Variants in CYBRD1 observed in about 807,000 individuals in gnomAD.
CYBRD1 encodes plasma membrane ascorbate-dependent reductase CYBRD1.
A neutral mutation model predicts 21.9 loss-of-function variants in CYBRD1; 14 were observed. The observed-to-expected ratio is 0.64, with a 90% CI of 0.42 to 1.00. CYBRD1 has a LOEUF of 1.00. CYBRD1 is among the 50% of genes least tolerant of loss of function. CYBRD1 has a pLI of 0.00. For synonymous variants in CYBRD1, 146 were observed against 136.5 expected (o/e 1.07, Z -0.48); for missense variants, 328 against 352.5 (o/e 0.93, Z 0.56).
At position 171,541,593 on chromosome 2, in the gene CYBRD1, G is replaced by A. The variant is rs148167713; in HGVS notation, c.202G>A (p.Val68Ile). The change falls in exon 2 of 4, where the codon GTC becomes ATC. Residue 68 changes from valine to isoleucine, a missense_variant. Coordinates refer to ENST00000321348, the MANE Select transcript of CYBRD1 (RefSeq NM_024843.4). ...FVFIQGIAII[V>I]YRLPWTWKCS... ...CTTTCGTCTTTCCCTAGCCATCATC[G>A]TCTACAGACTGCCGTGGACCTGGAA... 7.1e-5 allele frequency: 115 copies of A among 1,613,748 alleles called. No homozygotes were observed. The Admixed American group carries it at 1.1e-3, about 16-fold the overall frequency.
intron 1 of CYBRD1, among the ~76,000 whole-genome samples, chr2:171,539,303 A>G (rs1273152430): frequency 6.6e-6 from 1 of 151,918 alleles, no homozygotes; most frequent in African/African-American, 2.4e-5. Context: ...GGGCAACATG[A>G]TGGAATCCCA....
chr2:171,542,876 G>T (rs1265336291), intron 2 of CYBRD1, among the ~76,000 whole-genome samples: 1 of 151,966 alleles, frequency 6.6e-6, no homozygotes, highest in Non-Finnish European at 1.5e-5. Flanking sequence ...GCCAGACCCT[G>T]ATCTCAAAAA....
At chr2:171,522,234 A>T (rs967723665), upstream of CYBRD1, 12 of 1,549,490 alleles carry the variant, frequency 7.7e-6, no homozygotes, top group Non-Finnish European at 1.0e-5. This position sits in a 1 kb window ranked among gnomAD's most constrained non-coding sequence, Gnocchi z 4.3. Flanking sequence ...TCTTTGAGCA[A>T]CTAACTAGGT....
At chr2:171,527,090 G>T (rs1697396394) in intron 1 of CYBRD1, among the ~76,000 whole-genome samples, 1 of 152,110 alleles carries the variant, frequency 6.6e-6, no homozygotes, top group Non-Finnish European at 1.5e-5. Flanking sequence ...CAGCAAGTAA[G>T]ATAACGGAGA....
chr2:171,522,759 G>T lies in CYBRD1; in HGVS notation c.193+21G>T. 1 of 1,613,028 alleles carries T rather than the reference G, an allele frequency of 6.2e-7. No individual in the cohort carries two copies. The highest frequency in any genetic ancestry group is 8.5e-7 in the Non-Finnish European group (1 of 1,179,710). On this transcript the variant is annotated intron_variant, in intron 1 of 3. Coordinates refer to ENST00000321348, the MANE Select transcript of CYBRD1 (RefSeq NM_024843.4). This position sits in a 1 kb window ranked among gnomAD's most constrained non-coding sequence, Gnocchi z 4.3. Reference sequence around the variant, plus strand: ...CATCGGTACTGGCACCTCCTGGGGGGGTGCGGGGAGGAAAGCGGGGAGAAC... The same window carrying T: ...CATCGGTACTGGCACCTCCTGGGGGTGTGCGGGGAGGAAAGCGGGGAGAAC...
chr2:171,553,420 T>C lies in CYBRD1; in HGVS notation c.477T>C (p.His159=). 1 of 1,613,746 alleles carries C rather than the reference T, an allele frequency of 6.2e-7. No homozygotes were observed. The highest frequency in any genetic ancestry group is 8.5e-7 in the Non-Finnish European group (1 of 1,179,794). The part of the protein sequence containing the change: ...LSLRAFLMPI[H]VYSGIVIFGT... Reference sequence around the variant, plus strand: ...TCCGAGCATTTCTCATGCCCATACATGTTTATTCTGGAATTGTCATCTTTG... The same window carrying C: ...TCCGAGCATTTCTCATGCCCATACACGTTTATTCTGGAATTGTCATCTTTG... Residue 159 remains histidine (H), a synonymous_variant, in exon 3 of 4, where the codon CAT becomes CAC. Transcript: ENST00000321348.
chr2:171,536,827 C>A (rs1332789073), intron 1 of CYBRD1, among the ~76,000 whole-genome samples: 1 of 152,002 alleles, frequency 6.6e-6, no homozygotes, highest in South Asian at 2.1e-4. Context: ...TACTGTGGTT[C>A]ATTGTTCATA....
intron 1 of CYBRD1, among the ~76,000 whole-genome samples, chr2:171,538,955 G>A (rs953025440): frequency 2.6e-5 from 4 of 151,882 alleles, no homozygotes; most frequent in South Asian, 2.1e-4. Flanking sequence ...CTACCACCAC[G>A]CCCGGCTAAT....
intron 1 of CYBRD1, among the ~76,000 whole-genome samples, chr2:171,531,504 G>A (rs1697466766): frequency 6.6e-6 from 1 of 152,072 alleles, no homozygotes; most frequent in Admixed American, 6.6e-5. Flanking sequence ...CTGGAGTGTA[G>A]TGGCGAAATC....
intron 2 of CYBRD1, among the ~76,000 whole-genome samples, chr2:171,544,278 A>G (rs1697678434): frequency 6.6e-6 from 1 of 152,180 alleles, no homozygotes; most frequent in Non-Finnish European, 1.5e-5. Flanking sequence ...ATATTGCTAT[A>G]TCTTCTCCTA....
intron 1 of CYBRD1, among the ~76,000 whole-genome samples, chr2:171,528,326 C>G (rs1231806822): frequency 6.6e-6 from 1 of 152,118 alleles, no homozygotes; most frequent in Non-Finnish European, 1.5e-5. Context: ...CTCAGGTGAT[C>G]TACCCGCCTC....
intron 1 of CYBRD1, among the ~76,000 whole-genome samples, chr2:171,537,176 C>T (rs1485826634): frequency 2.6e-5 from 4 of 151,972 alleles, no homozygotes; most frequent in South Asian, 2.1e-4. Flanking sequence ...TGTATGTGTG[C>T]GTGTGTGTGT....
At chr2:171,542,999 T>C (rs1315711811) in intron 2 of CYBRD1, among the ~76,000 whole-genome samples, 3 of 152,218 alleles carry the variant, frequency 2.0e-5, no homozygotes, top group Non-Finnish European at 4.4e-5. Flanking sequence ...ATAAGCTATT[T>C]ACTTAGGTAA....
At position 171,554,506 on chromosome 2, in the gene CYBRD1, A is replaced by G. The variant is rs1683446609; in HGVS notation, c.558-18A>G. On this transcript the variant is annotated intron_variant, in intron 3 of 3. Transcript: ENST00000321348. ...TGTATCATCCTGTTTGTAATTGGAT[A>G]CATCTCTTATTTCATAGGAGAGATC... 1.9e-6 allele frequency: 3 copies of G among 1,612,728 alleles called. No individual in the cohort carries two copies. Among genetic ancestry groups the G allele is most frequent in the Non-Finnish European group, 2.5e-6 (3 of 1,179,058 alleles).
intron 1 of CYBRD1, among the ~76,000 whole-genome samples, chr2:171,531,489 C>G (rs1174844392): frequency 6.6e-6 from 1 of 152,028 alleles, no homozygotes; most frequent in South Asian, 2.1e-4. Flanking sequence ...GCTCTGTCAG[C>G]CAGGCTGGAG....
chr2:171,541,861 CTTTTTTTTTT>C lies in CYBRD1; in HGVS notation c.402+80_402+89del, dbSNP rs57998592. On this transcript the variant is annotated intron_variant, in intron 2 of 3. Transcript: ENST00000321348. ...TCAGAGACTGTAAATGTTTTCTTTT[CTTTTTTTTTT>C]TTTTTTTTTTTGAGACAGAGTCTCG... 1.2e-5 allele frequency: 9 copies of C among 740,782 alleles called. No homozygotes were observed. In the East Asian group the frequency reaches 3.1e-4, roughly 25 times the overall value. The allele number at this position is 740,782 out of a possible 1,614,324, so 45.9% of individuals were successfully genotyped here.
At chr2:171,546,166 G>A (rs952059037) in intron 2 of CYBRD1, among the ~76,000 whole-genome samples, 3 of 152,170 alleles carry the variant, frequency 2.0e-5, no homozygotes, top group African/African-American at 7.2e-5. Flanking sequence ...GACAGGTAGT[G>A]TTTAAGAAAA....
At chr2:171,549,081 C>T (rs1381518294) in intron 2 of CYBRD1, among the ~76,000 whole-genome samples, 1 of 151,810 alleles carries the variant, frequency 6.6e-6, no homozygotes, top group Non-Finnish European at 1.5e-5. Context: ...CTATTCTATT[C>T]TATTTATTTA....
Position 171,553,355 on chromosome 2 carries a change from G to A in CYBRD1, c.412G>A (p.Gly138Ser). 1 of 1,613,290 alleles carries A rather than the reference G, an allele frequency of 6.2e-7. No homozygotes were observed. The highest frequency in any genetic ancestry group is 8.5e-7 in the Non-Finnish European group (1 of 1,179,524). The part of the protein sequence containing the change: ...VICYLLQLLS[G>S]FSVFLLPWAP... ...ACTTTTTGGTGTTTAGCTTCTTTCAGGTTTTTCAGTCTTTCTGCTTCCATG... is the reference window on the plus strand; with the variant it reads ...ACTTTTTGGTGTTTAGCTTCTTTCAAGTTTTTCAGTCTTTCTGCTTCCATG... The change falls in exon 3 of 4, where the codon GGT becomes AGT. Residue 138 changes from glycine to serine, a missense_variant. By Grantham distance (56) the Gly-to-Ser change is moderately conservative. Coordinates refer to ENST00000321348, the MANE Select transcript of CYBRD1 (RefSeq NM_024843.4).
Sources: allele counts gnomAD v4.1 joint callset (sites outside exome capture counted in the v4.1 genomes callset), GRCh38; gene constraint gnomAD v4.1.1; non-coding constraint Gnocchi (gnomAD v3.1); transcripts MANE v1.5; gene names NCBI Gene and HGNC (gene_info 2026-07-23, HGNC 2026-07-21).